RP1: variants seen among roughly 807,000 people sequenced by gnomAD.
RP1 encodes the protein RP1 axonemal microtubule associated, also known as oxygen-regulated protein 1.
Under a neutral mutation model 14.8 loss-of-function variants are expected in RP1, and 16 were observed. The observed-to-expected ratio is 1.08, with a 90% CI of 0.73 to 1.65. The LOEUF (loss-of-function observed/expected upper bound fraction) is 1.65. Among genes scored for constraint, RP1 ranks in the 40% most tolerant of loss-of-function variants. The probability of loss-of-function intolerance (pLI) is 0.00; values close to 1 mark genes in which losing one functional copy is unlikely to be tolerated. For missense variants in RP1, 2,631 were observed against 2,535.0 expected, an observed-to-expected ratio of 1.04 and a Z score of -0.81; for synonymous variants, 876 against 883.6, an observed-to-expected ratio of 0.99 and a Z score of 0.15.
At chr8:54,648,862 C>A in intron 3 of RP1, 2 of 551,880 alleles carry the variant, frequency 3.6e-6, no homozygotes, top group Non-Finnish European at 5.8e-6. Flanking sequence ...GGCACTTTTT[C>A]AGAGGAGATG....
intron 6 of RP1, among the ~76,000 whole-genome samples, chr8:54,661,698 G>C (rs1287231873): frequency 1.3e-5 from 2 of 152,094 alleles, no homozygotes; most frequent in Non-Finnish European, 2.9e-5. Context: ...CGGAATTCTT[G>C]AATTAGAATC....
chr8:54,675,499 T>G (rs930886168), intron 8 of RP1, among the ~76,000 whole-genome samples: 8 of 152,192 alleles, frequency 5.3e-5, no homozygotes, highest in African/African-American at 1.9e-4. Context: ...ACTTTGTAGA[T>G]AGGGAAGCAC....
At chr8:54,870,896 C>A (rs1212740776) in exon 29 of RP1, 1 of 152,176 alleles carries the variant, frequency 6.6e-6, no homozygotes, top group East Asian at 1.9e-4. Context: ...CGGGATGTGA[C>A]CCTAGAAGTC....
intron 1 of RP1, among the ~76,000 whole-genome samples, chr8:54,591,811 G>C (rs1805047686): frequency 6.6e-6 from 1 of 152,132 alleles, no homozygotes; most frequent in Non-Finnish European, 1.5e-5. Flanking sequence ...TGTTGGCTGG[G>C]GTAACTGGGC....
chr8:54,824,132 T>TG (rs1162458724), intron 24 of RP1, among the ~76,000 whole-genome samples: 11 of 134,678 alleles, frequency 8.2e-5, no homozygotes, highest in African/African-American at 2.7e-4. Context: ...ATTGTTTGTG[T>TG]GTTTTTTTTT....
At chr8:54,650,969 A>AT (rs938909408) in intron 4 of RP1, among the ~76,000 whole-genome samples, 31 of 148,482 alleles carry the variant, frequency 2.1e-4, no homozygotes, top group Middle Eastern at 3.4e-3. Flanking sequence ...AGTTTGTTGA[A>AT]TTTTTTTTTT....
chr8:54,836,686 G>C (rs551332399), intron 24 of RP1, among the ~76,000 whole-genome samples: 1 of 152,138 alleles, frequency 6.6e-6, no homozygotes, highest in African/African-American at 2.4e-5. Flanking sequence ...AGCCCACCCA[G>C]TGCCTTGATC....
At chr8:54,850,710 C>T (rs932792605) in intron 25 of RP1, among the ~76,000 whole-genome samples, 1 of 152,050 alleles carries the variant, frequency 6.6e-6, no homozygotes. Context: ...TTCATATTGC[C>T]TTAAAGATCA....
Position 54,630,134 on chromosome 8 carries a change from C to T in RP1, c.6252C>T (p.Asn2084=), listed in dbSNP as rs1284459289. Residue 2084 remains asparagine, a synonymous_variant, in exon 4 of 4, where the codon AAC becomes AAT. Transcript: ENST00000220676. ...TCCAGGGCTCAAGAACAAATCTCAA[C>T]CAAGTAGTAAGAGAAAATATCAACT... is the stretch of plus-strand genomic sequence containing the variant. ...NRFQGSRTNL[N]QVVRENINCH... is the part of the protein sequence containing the mutation. 1 of 1,613,646 alleles carries T rather than the reference C, an allele frequency of 6.2e-7. No individual in the cohort carries two copies. Among genetic ancestry groups the T allele is most frequent in the African/African-American group, 1.3e-5 (1 of 74,910 alleles).
At position 54,812,801 on chromosome 8, in the gene RP1, CTATCTA is replaced by C. The variant is rs879910210; in HGVS notation, c.3616-24647_3616-24642del. Among the ~76,000 whole-genome samples the C allele has an allele frequency of 4.3e-3, 645 of 150,268 alleles. 2 individuals carry two copies. The highest frequency in any genetic ancestry group is 7.4e-3 in the African/African-American group (298 of 40,188). On this transcript the variant is annotated intron_variant, in intron 24 of 28. Coordinates refer to the RP1 transcript ENST00000637698. ...TCTATCTATCTATCTATCTATCTATCTATCTATCTCTCCGTCTTCTATCATTTATCT... is the reference window on the plus strand; with the variant it reads ...TCTATCTATCTATCTATCTATCTATCTCTCTCCGTCTTCTATCATTTATCT...
exon 7 of RP1, chr8:54,663,792 A>G: frequency 6.5e-7 from 1 of 1,535,342 alleles, no homozygotes; most frequent in Non-Finnish European, 8.7e-7. Context: ...GAAAAGGGAG[A>G]TACAGGATCC....
At chr8:54,609,140 T>C (rs1805530153) in intron 1 of RP1, among the ~76,000 whole-genome samples, 2 of 152,122 alleles carry the variant, frequency 1.3e-5, no homozygotes, top group Admixed American at 6.5e-5. Flanking sequence ...AGATCAATGC[T>C]GGGTAGCAAG....
rs554252212 is a variant in RP1 at position 54,696,544 on chromosome 8, T to C, written c.1718-2923T>C. The C allele has an allele frequency of 8.7e-4, 654 of 754,136 alleles. 11 individuals carry two copies. Among genetic ancestry groups the C allele is most frequent in the Middle Eastern group, 7.6e-3 (23 of 3,020 alleles). 46.7% of individuals were successfully genotyped at this position (754,136 alleles called of 1,614,324 possible). On this transcript the variant is annotated intron_variant, in intron 12 of 22. Transcript: ENST00000636932. ...AGAGGAAAGGAAAAGGGCTCAGGTT[T>C]AAGTGACTGGAATTATTCCTACATG...
chr8:54,853,305 G>A (rs939597755), intron 26 of RP1, among the ~76,000 whole-genome samples: 1 of 152,194 alleles, frequency 6.6e-6, no homozygotes, highest in African/African-American at 2.4e-5. Context: ...CCTGCAGCTC[G>A]TCATTGAGAG....
At chr8:54,643,037 T>A (rs1806480937) in intron 3 of RP1, among the ~76,000 whole-genome samples, 1 of 152,160 alleles carries the variant, frequency 6.6e-6, no homozygotes, top group Admixed American at 6.5e-5. Flanking sequence ...TCCTGTCCAT[T>A]TTTCCATTGT....
At chr8:54,686,113 A>C (rs1180550961) in intron 12 of RP1, among the ~76,000 whole-genome samples, 1 of 152,216 alleles carries the variant, frequency 6.6e-6, no homozygotes, top group Non-Finnish European at 1.5e-5. Context: ...CAGAATGAGA[A>C]GTTCTAAAAA....
chr8:54,663,698 G>T lies in RP1; in HGVS notation c.1172-1G>T. Reference sequence around the variant, plus strand: ...GAAAGTTTTTTTTCTTATGTTGTCAGTGACAATATATGAAGTGAATGTGGC... The same window carrying T: ...GAAAGTTTTTTTTCTTATGTTGTCATTGACAATATATGAAGTGAATGTGGC... On this transcript the variant is annotated splice_acceptor_variant, in intron 6 of 22. Transcript: ENST00000636932. LOFTEE classifies it high-confidence loss of function. The T allele has an allele frequency of 6.6e-7, 1 of 1,512,932 alleles. No individual in the cohort carries two copies. The highest frequency in any genetic ancestry group is 8.8e-7 in the Non-Finnish European group (1 of 1,139,510). 93.7% of individuals were successfully genotyped at this position (1,512,932 alleles called of 1,614,324 possible). A position where few individuals can be genotyped will look rare whatever the true frequency, so the allele number is the denominator to read the frequency against.
chr8:54,623,953 C>T (rs1050397086), intron 3 of RP1, among the ~76,000 whole-genome samples: 1 of 152,132 alleles, frequency 6.6e-6, no homozygotes, highest in African/African-American at 2.4e-5. Context: ...TGAAAACCCA[C>T]AAAAAACTTT....
At chr8:54,658,550 CAAAA>C (rs755052184) in intron 6 of RP1, among the ~76,000 whole-genome samples, 8 of 81,804 alleles carry the variant, frequency 9.8e-5, no homozygotes, top group South Asian at 5.0e-4. Context: ...GACTCCGTCT[CAAAA>C]AAAAAAAAAA....
Sources: gnomAD v4.1 joint callset for allele counts (sites outside exome capture counted in the v4.1 genomes callset) on GRCh38, gnomAD v4.1.1 for gene constraint, MANE v1.5 for transcripts, NCBI Gene and HGNC (gene_info 2026-07-23, HGNC 2026-07-21) for gene names.